Variants in RALYL observed in about 807,000 individuals in gnomAD.
RALYL encodes the protein RNA-binding Raly-like protein.
Under a neutral mutation model 35.1 loss-of-function variants are expected in RALYL, and 29 were observed. That is an observed-to-expected ratio of 0.83 (90% CI 0.61 to 1.13). The LOEUF is 1.13. RALYL is among the 50% of genes most tolerant of loss of function. The probability of loss-of-function intolerance (pLI) is 0.00; values close to 1 mark genes in which losing one functional copy is unlikely to be tolerated. For missense variants in RALYL, 359 were observed against 360.4 expected, an observed-to-expected ratio of 1.00 and a Z score of 0.03; for synonymous variants, 120 against 127.6, an observed-to-expected ratio of 0.94 and a Z score of 0.40.
intron 2 of RALYL, among the ~76,000 whole-genome samples, chr8:84,669,927 G>C (rs750940982): frequency 6.6e-6 from 1 of 152,034 alleles, no homozygotes. Flanking sequence ...CTACAAGTGC[G>C]CATTTCAACC....
At chr8:84,452,984 G>A (rs931983804) in intron 1 of RALYL, among the ~76,000 whole-genome samples, 3 of 151,900 alleles carry the variant, frequency 2.0e-5, no homozygotes, top group Non-Finnish European at 2.9e-5. Flanking sequence ...GCTTAAAATA[G>A]ATGCAGTACA....
At chr8:84,858,834 A>G in intron 5 of RALYL, among the ~76,000 whole-genome samples, 1 of 152,108 alleles carries the variant, frequency 6.6e-6, no homozygotes, top group East Asian at 1.9e-4. Flanking sequence ...GTTTTTGTAC[A>G]TTAGGACAAC....
At chr8:84,284,220 C>T (rs1837174134) in intron 1 of RALYL, among the ~76,000 whole-genome samples, 1 of 151,810 alleles carries the variant, frequency 6.6e-6, no homozygotes, top group South Asian at 2.1e-4. Context: ...ATTTCCTTAC[C>T]CCAGATTACA....
chr8:84,916,835 T>C (rs1457817318), intron 8 of RALYL, among the ~76,000 whole-genome samples: 1 of 152,150 alleles, frequency 6.6e-6, no homozygotes, highest in African/African-American at 2.4e-5. Flanking sequence ...ACTGTGTCTA[T>C]AAATCAATCT....
At chr8:84,334,619 AC>A (rs1404831814) in intron 1 of RALYL, among the ~76,000 whole-genome samples, 1 of 151,948 alleles carries the variant, frequency 6.6e-6, no homozygotes. Flanking sequence ...AAGAAGTTTA[AC>A]CTACAGTGTT....
chr8:84,715,744 CT>C (rs1410599366), intron 2 of RALYL, among the ~76,000 whole-genome samples: 1 of 151,948 alleles, frequency 6.6e-6, no homozygotes, highest in African/African-American at 2.4e-5. Flanking sequence ...TTGGCATAAC[CT>C]TTTGATTCAT....
At chr8:84,764,434 T>A (rs1813421247) in intron 2 of RALYL, among the ~76,000 whole-genome samples, 2 of 152,210 alleles carry the variant, frequency 1.3e-5, no homozygotes, top group African/African-American at 2.4e-5. Context: ...ATAATAAATA[T>A]AGAAAGGCAT....
At chr8:84,808,217 A>C (rs1166071167) in intron 4 of RALYL, among the ~76,000 whole-genome samples, 1 of 152,148 alleles carries the variant, frequency 6.6e-6, no homozygotes, top group Non-Finnish European at 1.5e-5. Flanking sequence ...ATTCTCCTAC[A>C]TGTGGCTTGC....
At chr8:84,505,329 G>A (rs1295204305) in intron 1 of RALYL, among the ~76,000 whole-genome samples, 1 of 152,004 alleles carries the variant, frequency 6.6e-6, no homozygotes, top group African/African-American at 2.4e-5. Context: ...GTTTATATGT[G>A]CTTCAAACAA....
chr8:84,529,926 T>C (rs904577271), intron 2 of RALYL, among the ~76,000 whole-genome samples: 21 of 152,148 alleles, frequency 1.4e-4, no homozygotes, highest in Non-Finnish European at 2.8e-4. Context: ...ATAACTTCAC[T>C]TGTCATACTT....
intron 1 of RALYL, among the ~76,000 whole-genome samples, chr8:84,371,691 T>C (rs912921092): frequency 5.9e-5 from 9 of 151,960 alleles, no homozygotes; most frequent in African/African-American, 9.7e-5. Context: ...TGCTGTGATA[T>C]ACACATCATT....
At chr8:84,751,938 A>C (rs554588289) in intron 2 of RALYL, among the ~76,000 whole-genome samples, 1 of 152,224 alleles carries the variant, frequency 6.6e-6, no homozygotes. Context: ...GGTACTGAGA[A>C]GTGGGGCATT....
intron 1 of RALYL, among the ~76,000 whole-genome samples, chr8:84,400,333 T>A (rs2042761441): frequency 6.6e-6 from 1 of 152,132 alleles, no homozygotes; most frequent in Admixed American, 6.6e-5. Flanking sequence ...AGGTGTGGAA[T>A]TTTCCAAGTG....
chr8:84,782,031 GCA>G (rs35098202), intron 3 of RALYL, among the ~76,000 whole-genome samples: 55,680 of 148,196 alleles, frequency 0.38, 12,615 homozygotes, highest in South Asian at 0.56. Flanking sequence ...GCACACGCGC[GCA>G]CACACACACA....
At chr8:84,606,754 T>C (rs1481345202) in intron 2 of RALYL, among the ~76,000 whole-genome samples, 4 of 152,060 alleles carry the variant, frequency 2.6e-5, no homozygotes, top group African/African-American at 4.8e-5. Context: ...AGTCTTGTGA[T>C]AAATGAATGT....
chr8:84,797,964 G>A (rs1822331039), intron 3 of RALYL, among the ~76,000 whole-genome samples: 2 of 152,172 alleles, frequency 1.3e-5, no homozygotes, highest in Admixed American at 6.5e-5. Context: ...TGCCATGCCA[G>A]GTACAGGTTA....
intron 1 of RALYL, among the ~76,000 whole-genome samples, chr8:84,268,548 G>A (rs2131903380): frequency 6.6e-6 from 1 of 152,174 alleles, no homozygotes; most frequent in East Asian, 1.9e-4. Flanking sequence ...TGTATTACTT[G>A]GAATTTCTGT....
Position 84,760,049 on chromosome 8 carries a change from C to A in RALYL, c.257-14530C>A, listed in dbSNP as rs576376653. On this transcript the variant is annotated intron_variant, in intron 2 of 8. Coordinates refer to ENST00000521268, the MANE Select transcript of RALYL (RefSeq NM_173848.7). ...GCTAGACATAGTAATTATGCCAAAA[C>A]CCTTTTAATATTTATTCATAAACAA... is the stretch of plus-strand genomic sequence containing the variant. Among the ~76,000 whole-genome samples the A allele has an allele frequency of 6.6e-5, 10 of 152,204 alleles. No homozygotes were observed. The South Asian group carries it at 1.0e-3, about 16-fold the overall frequency.
intron 1 of RALYL, among the ~76,000 whole-genome samples, chr8:84,501,778 G>T (rs954533045): frequency 1.3e-5 from 2 of 150,592 alleles, no homozygotes; most frequent in African/African-American, 2.4e-5. Flanking sequence ...CTCCTCAGAT[G>T]GTTCTTTTGT....
Sources: gnomAD v4.1 joint callset for allele counts (sites outside exome capture counted in the v4.1 genomes callset) on GRCh38, gnomAD v4.1.1 for gene constraint, MANE v1.5 for transcripts, NCBI Gene and HGNC (gene_info 2026-07-23, HGNC 2026-07-21) for gene names.